The following CSMD1 variants were observed in gnomAD, a reference collection of about 807,000 sequenced individuals.
The protein encoded by CSMD1 is CUB and Sushi multiple domains 1.
CSMD1 carries 213 observed loss-of-function variants against 417.5 expected under a neutral mutation model. The ratio of observed to expected loss-of-function variants is 0.51; its 90% CI spans 0.46 to 0.57. The LOEUF is 0.57. Ranked by LOEUF, CSMD1 falls within the 20% of genes least tolerant of loss-of-function variation. The probability of loss-of-function intolerance (pLI) is 0.00; values close to 1 mark genes in which losing one functional copy is unlikely to be tolerated. For missense variants in CSMD1, 6,923 were observed against 4,529.7 expected (o/e 1.53, Z -15.17); for synonymous variants, 2,862 against 1,736.8 (o/e 1.65, Z -16.11).
At chr8:4,752,749 C>G (rs975825070) in intron 1 of CSMD1, among the ~76,000 whole-genome samples, 2 of 151,978 alleles carry the variant, frequency 1.3e-5, no homozygotes, top group African/African-American at 4.8e-5. Context: ...GGATTTGCTC[C>G]GTGGAAGGAC....
chr8:3,450,156 T>G (rs1815604234), intron 12 of CSMD1, among the ~76,000 whole-genome samples: 1 of 152,200 alleles, frequency 6.6e-6, no homozygotes, highest in African/African-American at 2.4e-5. Flanking sequence ...GAACGTTGAC[T>G]GTGGGTCTCT....
chr8:4,598,029 T>C (rs1800377243), intron 2 of CSMD1, among the ~76,000 whole-genome samples: 1 of 151,844 alleles, frequency 6.6e-6, no homozygotes, highest in Non-Finnish European at 1.5e-5. Flanking sequence ...CTTTAGAACA[T>C]TTATCAATAT....
At chr8:3,996,577 ATGT>A (rs1436092949) in intron 5 of CSMD1, among the ~76,000 whole-genome samples, 2 of 152,148 alleles carry the variant, frequency 1.3e-5, no homozygotes, top group Non-Finnish European at 2.9e-5. Flanking sequence ...ATGAACTCTA[ATGT>A]TAGACATAGC....
At chr8:4,694,254 G>C (rs553780268) in intron 1 of CSMD1, among the ~76,000 whole-genome samples, 4 of 152,150 alleles carry the variant, frequency 2.6e-5, no homozygotes, top group Non-Finnish European at 2.9e-5. Flanking sequence ...GAATGTAACA[G>C]CTTGTCTCCT....
intron 6 of CSMD1, among the ~76,000 whole-genome samples, chr8:3,731,938 A>G (rs150402645): frequency 6.6e-6 from 1 of 152,340 alleles, no homozygotes; most frequent in Non-Finnish European, 1.5e-5. Flanking sequence ...TTGAAACCAT[A>G]CAATGGACTC....
intron 5 of CSMD1, among the ~76,000 whole-genome samples, chr8:3,782,907 A>T (rs150353712): frequency 3.3e-5 from 5 of 152,194 alleles, no homozygotes; most frequent in Admixed American, 2.0e-4. Flanking sequence ...TAAATAAATA[A>T]ATAAAACTGT....
chr8:4,653,674 T>A (rs1348252777), intron 1 of CSMD1, among the ~76,000 whole-genome samples: 2 of 152,106 alleles, frequency 1.3e-5, no homozygotes, highest in Non-Finnish European at 2.9e-5. Flanking sequence ...AGGAGTTAAG[T>A]TGCCCCAGGC....
chr8:3,286,725 C>A (rs936270047), intron 25 of CSMD1, among the ~76,000 whole-genome samples: 1 of 151,730 alleles, frequency 6.6e-6, no homozygotes, highest in Admixed American at 6.6e-5. Context: ...GGTTATTAGC[C>A]CTTTGTCAGA....
At position 3,107,724 on chromosome 8, in the gene CSMD1, C is replaced by G; in HGVS notation, c.6829G>C (p.Glu2277Gln). ...GTAATGAAGAAAGTATTACCTATTT[C>G]GAAATCATCATCCTCAGTAAGCATT... ...AEMLTEDDDFEIGDFVKYQCH... is the reference protein window; with the variant it reads ...AEMLTEDDDFQIGDFVKYQCH... The change falls in exon 45 of 70, where the codon GAA becomes CAA. Residue 2277 changes from glutamate to glutamine, a missense_variant. Glu to Gln is a conservative substitution (Grantham distance 29). Coordinates refer to ENST00000635120, the MANE Select transcript of CSMD1 (RefSeq NM_033225.6). 1 of 1,580,642 alleles carries G rather than the reference C, an allele frequency of 6.3e-7. No individual in the cohort carries two copies. The highest frequency in any genetic ancestry group is 8.6e-7 in the Non-Finnish European group (1 of 1,161,306).
intron 1 of CSMD1, among the ~76,000 whole-genome samples, chr8:4,702,634 A>G (rs1381452711): frequency 6.6e-6 from 1 of 152,180 alleles, no homozygotes; most frequent in Non-Finnish European, 1.5e-5. Context: ...GAACACACTG[A>G]GAATCACAAA....
At chr8:3,378,238 G>A (rs1183853279) in intron 18 of CSMD1, among the ~76,000 whole-genome samples, 1 of 152,180 alleles carries the variant, frequency 6.6e-6, no homozygotes, top group Admixed American at 6.5e-5. Context: ...AACAAGTTCT[G>A]AAATTGAAGC....
chr8:4,037,203 G>A (rs188794464), intron 3 of CSMD1, among the ~76,000 whole-genome samples: 5 of 152,176 alleles, frequency 3.3e-5, no homozygotes, highest in Non-Finnish European at 7.3e-5. Context: ...TTAATATTTA[G>A]AATTTTGTAG....
intron 49 of CSMD1, among the ~76,000 whole-genome samples, chr8:3,061,770 C>G (rs1332169540): frequency 6.6e-6 from 1 of 152,190 alleles, no homozygotes; most frequent in East Asian, 1.9e-4. Flanking sequence ...AATTCCCTGC[C>G]ATTGTGAAAA....
Position 3,392,265 on chromosome 8 carries a change from A to T in CSMD1, c.2593+3929T>A, listed in dbSNP as rs1247240279. Among the ~76,000 whole-genome samples the T allele has an allele frequency of 2.6e-5, 4 of 152,146 alleles. No individual in the cohort carries two copies. The East Asian group carries it at 7.7e-4, about 29-fold the overall frequency. On this transcript the variant is annotated intron_variant, in intron 17 of 69. Coordinates refer to ENST00000635120, the MANE Select transcript of CSMD1 (RefSeq NM_033225.6). ...AAACTTAAAGTATAATAAAAAAATA[A>T]AATAAATAAAAATTGGATGACATTT...
intron 3 of CSMD1, among the ~76,000 whole-genome samples, chr8:4,075,500 T>C (rs1346431114): frequency 1.3e-5 from 2 of 152,180 alleles, no homozygotes; most frequent in Non-Finnish European, 2.9e-5. Context: ...GGCAAATGAA[T>C]TTCGTGGGAA....
chr8:3,221,358 C>G (rs28557325), intron 28 of CSMD1, among the ~76,000 whole-genome samples: 40,890 of 151,916 alleles, frequency 0.27, 5,668 homozygotes, highest in East Asian at 0.3. Flanking sequence ...TAGGTATAGG[C>G]GCTAGCAGGA....
At chr8:3,627,086 G>A (rs993308990) in intron 7 of CSMD1, among the ~76,000 whole-genome samples, 1 of 152,096 alleles carries the variant, frequency 6.6e-6, no homozygotes, top group South Asian at 2.1e-4. Context: ...TGCTGTGATA[G>A]TTTAACATTG....
intron 5 of CSMD1, among the ~76,000 whole-genome samples, chr8:3,978,629 T>G (rs1478550301): frequency 2.0e-5 from 3 of 152,142 alleles, no homozygotes; most frequent in Admixed American, 6.5e-5. Context: ...AAACGTCTCG[T>G]CGCTGCTGTC....
At chr8:4,225,269 GA>G (rs1276100367) in intron 3 of CSMD1, among the ~76,000 whole-genome samples, 1 of 151,948 alleles carries the variant, frequency 6.6e-6, no homozygotes, top group Non-Finnish European at 1.5e-5. Flanking sequence ...CTTCAAAATA[GA>G]AAAAAATATT....
Sources: allele counts gnomAD v4.1 joint callset (sites outside exome capture counted in the v4.1 genomes callset), GRCh38; gene constraint gnomAD v4.1.1; transcripts MANE v1.5; gene names NCBI Gene and HGNC (gene_info 2026-07-23, HGNC 2026-07-21).